Variants in HSP90AA1 observed in about 807,000 individuals in gnomAD.
HSP90AA1 encodes heat shock protein 90 alpha family class A member 1.
HSP90AA1 carries 18 observed loss-of-function variants against 73.3 expected under a neutral mutation model. The observed-to-expected ratio is 0.25, with a 90% confidence interval of 0.17 to 0.36. The LOEUF (loss-of-function observed/expected upper bound fraction) is 0.36, where lower values mean the gene tolerates loss of function less well. HSP90AA1 is among the 10% of genes least tolerant of loss of function. HSP90AA1 has a pLI of 1.00. For missense variants in HSP90AA1, 704 were observed against 874.2 expected (o/e 0.81, Z 2.45); for synonymous variants, 477 against 296.9 (o/e 1.61, Z -6.24).
chr14:102,081,955 G>A (rs1455974201), intron 10 of HSP90AA1, 134 bp from the exon 11 acceptor site: 19 of 771,538 alleles, frequency 2.5e-5, no homozygotes, highest in Admixed American at 2.2e-4. Flanking sequence ...CTTTGCTCTT[G>A]TAAGACCTTA....
At chr14:102,083,485 C>T in intron 8 of HSP90AA1, 61 bp downstream of exon 8, 2 of 1,536,206 alleles carry the variant, frequency 1.3e-6, no homozygotes, top group Admixed American at 1.7e-5. Flanking sequence ...AGAAAACACA[C>T]CCACAGAGCC....
chr14:102,130,681 C>T (rs926544564), intron 1 of HSP90AA1, among the ~76,000 whole-genome samples: 10 of 152,020 alleles, frequency 6.6e-5, no homozygotes, highest in African/African-American at 1.9e-4. Flanking sequence ...GATCATAGCT[C>T]CAGTTTTATA....
At chr14:102,113,034 AT>A (rs997989868) in intron 1 of HSP90AA1, among the ~76,000 whole-genome samples, 23 of 151,090 alleles carry the variant, frequency 1.5e-4, no homozygotes, top group Non-Finnish European at 3.0e-4. Flanking sequence ...TTATTTATTT[AT>A]TTTTTTGAGA....
At chr14:102,094,518 G>A (rs2049399410) in intron 2 of HSP90AA1, among the ~76,000 whole-genome samples, 1 of 152,186 alleles carries the variant, frequency 6.6e-6, no homozygotes, top group East Asian at 1.9e-4. Context: ...TGCTGGCTGT[G>A]GGGAGGGAGT....
chr14:102,083,895 G>A lies in HSP90AA1; in HGVS notation c.1236C>T (p.Ile412=). 1.2e-6 allele frequency: 2 copies of A among 1,613,878 alleles called. No individual in the cohort carries two copies. Among genetic ancestry groups the A allele is most frequent in the Non-Finnish European group, 1.7e-6 (2 of 1,179,840 alleles). ...AGCATTTTTTGACCAAATTCTTCCT[G>A]ATAACTTTCAAAATTTTGCTTTGTT... ...MLQQSKILKV[I]RKNLVKKCLE... is the part of the protein sequence containing the mutation. Residue 412 remains isoleucine, a synonymous_variant, in exon 7 of 11, where the codon ATC becomes ATT. Coordinates refer to ENST00000216281, the MANE Select transcript of HSP90AA1 (RefSeq NM_005348.4).
At chr14:102,094,218 C>T (rs535318454) in intron 2 of HSP90AA1, among the ~76,000 whole-genome samples, 1 of 152,344 alleles carries the variant, frequency 6.6e-6, no homozygotes, top group Admixed American at 6.5e-5. Flanking sequence ...ACTCGTTCCC[C>T]TCCCCTCCCA....
upstream of HSP90AA1, among the ~76,000 whole-genome samples, chr14:102,087,364 C>G (rs1294648295): frequency 6.6e-6 from 1 of 151,572 alleles, no homozygotes; most frequent in Non-Finnish European, 1.5e-5. Context: ...GCCGCCCGCG[C>G]CCTCCGCCCT....
At chr14:102,135,875 T>C (rs2049987081) in intron 1 of HSP90AA1, among the ~76,000 whole-genome samples, 1 of 152,190 alleles carries the variant, frequency 6.6e-6, no homozygotes, top group African/African-American at 2.4e-5. Flanking sequence ...GCAGCCCCGG[T>C]TCCCGCTCTC....
chr14:102,102,131 C>G, intron 1 of HSP90AA1: 1 of 1,536,300 alleles, frequency 6.5e-7, no homozygotes. Context: ...CCAAACATAA[C>G]AGAGATAGGG....
In HSP90AA1 at chr14:102,084,235, G is replaced by A. The variant is rs10135118; in HGVS notation, c.1147+164C>T. 0.015 allele frequency: 10,814 copies of A among 706,358 alleles called. 806 individuals carry two copies. The African/African-American group carries it at 0.16, about 11-fold the overall frequency. The allele number at this position is 706,358 out of a possible 1,614,324, so 43.8% of individuals were successfully genotyped here. A position where few individuals can be genotyped will look rare whatever the true frequency, so the allele number is the denominator to read the frequency against. On this transcript the variant is annotated intron_variant, in intron 6 of 10. Coordinates refer to ENST00000216281, the MANE Select transcript of HSP90AA1 (RefSeq NM_005348.4). ...CTAATTTTTGTAATTTAGTAGAGAT[G>A]GGGTTTCACCATGTTGCCCAGGCTG...
Position 102,084,468 on chromosome 14 carries a change from T to C in HSP90AA1, c.1078A>G (p.Asn360Asp). Residue 360 changes from asparagine (N) to aspartate (D), a missense_variant, in exon 6 of 11, where the codon AAC (asparagine) becomes GAC (aspartate). By Grantham distance (23) the Asn-to-Asp change is conservative (BLOSUM62 1). Transcript: ENST00000216281. ...DLFENRKKKNNIKLYVRRVFI... is the reference protein window; with the variant it reads ...DLFENRKKKNDIKLYVRRVFI... ...ACTCTGCGTACATACAATTTGATGT[T>C]GTTCTTTTTCTTTCTGTTTTCAAAC... 1 of 1,613,840 alleles carries C rather than the reference T, an allele frequency of 6.2e-7. No individual in the cohort carries two copies. Among genetic ancestry groups the C allele is most frequent in the Non-Finnish European group, 8.5e-7 (1 of 1,179,668 alleles).
chr14:102,105,270 C>G (rs1054470202), intron 1 of HSP90AA1, among the ~76,000 whole-genome samples: 2 of 151,148 alleles, frequency 1.3e-5, no homozygotes, highest in African/African-American at 2.4e-5. Context: ...TTTACAATGT[C>G]CAGGCGCTTT....
intron 1 of HSP90AA1, among the ~76,000 whole-genome samples, chr14:102,125,720 C>T (rs1455052513): frequency 6.6e-6 from 1 of 152,106 alleles, no homozygotes; most frequent in Admixed American, 6.6e-5. Flanking sequence ...GAACTGCAAT[C>T]GTGTGTAGCG....
At chr14:102,088,341 A>G (rs543266295), upstream of HSP90AA1, among the ~76,000 whole-genome samples, 3 of 152,126 alleles carry the variant, frequency 2.0e-5, no homozygotes, top group East Asian at 1.9e-4. Flanking sequence ...CCTCCTGCCT[A>G]GACTCATAGC....
chr14:102,110,372 G>A (rs2049623615), intron 1 of HSP90AA1, among the ~76,000 whole-genome samples: 1 of 151,774 alleles, frequency 6.6e-6, no homozygotes, highest in African/African-American at 2.4e-5. Flanking sequence ...GCATTCAAGA[G>A]GTGGCTTGGG....
At position 102,080,917 on chromosome 14, in the gene HSP90AA1, G is replaced by C. The variant is rs1206274819; in HGVS notation, c.*795C>G. Reference sequence around the variant, plus strand: ...CCCACACCTGCTGAGTACATGCTGGGAAGACCATGTCAACCCTTGGAGCAG... The same window carrying C: ...CCCACACCTGCTGAGTACATGCTGGCAAGACCATGTCAACCCTTGGAGCAG... On this transcript the variant is annotated 3_prime_UTR_variant, in exon 11 of 11. Coordinates refer to ENST00000216281, the MANE Select transcript of HSP90AA1 (RefSeq NM_005348.4). 1 of 228,568 alleles carries C rather than the reference G, an allele frequency of 4.4e-6. No homozygotes were observed. The highest frequency in any genetic ancestry group is 8.7e-6 in the Non-Finnish European group (1 of 115,258). The allele number at this position is 228,568 out of a possible 1,614,324, so 14.2% of individuals were successfully genotyped here.
rs1249425013 is a variant in HSP90AA1 at position 102,083,940 on chromosome 14, G to A, written c.1191C>T (p.Asn397=). Residue 397 remains asparagine, a synonymous_variant, in exon 7 of 11, where the codon AAC becomes AAT. Coordinates refer to ENST00000216281, the MANE Select transcript of HSP90AA1 (RefSeq NM_005348.4). ...GVVDSEDLPL[N]ISREMLQQSK... is the part of the protein sequence containing the mutation. ...TTTGTTGCAACATCTCACGGGATAT[G>A]TTTAGAGGGAGATCCTCCGAGTCTA... The A allele has an allele frequency of 1.2e-6, 2 of 1,614,002 alleles. No homozygotes were observed. Among genetic ancestry groups the A allele is most frequent in the Non-Finnish European group, 1.7e-6 (2 of 1,179,916 alleles).
upstream of HSP90AA1, among the ~76,000 whole-genome samples, chr14:102,089,373 CA>C (rs933178246): frequency 5.9e-5 from 9 of 152,204 alleles, no homozygotes; most frequent in African/African-American, 2.2e-4. Flanking sequence ...CTTCCTTCCA[CA>C]ACTTCTTGTC....
chr14:102,101,528 G>A (rs1171753038), intron 2 of HSP90AA1, among the ~76,000 whole-genome samples: 1 of 152,230 alleles, frequency 6.6e-6, no homozygotes, highest in Non-Finnish European at 1.5e-5. Context: ...CTCCGTGAGT[G>A]GGTGCTCAAG....
Sources: gnomAD v4.1 joint callset for allele counts (sites outside exome capture counted in the v4.1 genomes callset) on GRCh38, gnomAD v4.1.1 for gene constraint, MANE v1.5 for transcripts, NCBI Gene and HGNC (gene_info 2026-07-23, HGNC 2026-07-21) for gene names.